Variants in SPATA16 observed in about 807,000 individuals in gnomAD.
SPATA16 encodes the protein spermatogenesis associated 16.
A neutral mutation model predicts 63.3 loss-of-function variants in SPATA16; 36 were observed. That is an observed-to-expected ratio of 0.57 (90% CI 0.44 to 0.75). The LOEUF (loss-of-function observed/expected upper bound fraction) is 0.75. Ranked by LOEUF, SPATA16 falls within the 30% of genes least tolerant of loss-of-function variation. SPATA16 has a pLI of 0.00. For synonymous variants in SPATA16, 203 were observed against 216.7 expected, an observed-to-expected ratio of 0.94 and a Z score of 0.56; for missense variants, 646 against 679.3, an observed-to-expected ratio of 0.95 and a Z score of 0.54.
chr3:172,916,540 A>G, intron 8 of SPATA16, 59 bp from the exon 9 acceptor site: 4 of 1,574,276 alleles, frequency 2.5e-6, no homozygotes, highest in Admixed American at 1.7e-5. Flanking sequence ...ACCTCTCCCC[A>G]GGGCTGGAAG....
intron 3 of SPATA16, among the ~76,000 whole-genome samples, chr3:173,041,740 G>A (rs1287364713): frequency 2.0e-5 from 3 of 151,834 alleles, no homozygotes; most frequent in Admixed American, 2.0e-4. Context: ...TACATTTAGT[G>A]GCCAAATTTT....
intron 5 of SPATA16, among the ~76,000 whole-genome samples, chr3:172,969,596 C>A (rs1361136883): frequency 1.3e-5 from 2 of 152,138 alleles, no homozygotes; most frequent in African/African-American, 4.8e-5. Flanking sequence ...GGTTACTAGA[C>A]TGGTGTTTAA....
chr3:173,015,471 G>A (rs1395987284), intron 4 of SPATA16, among the ~76,000 whole-genome samples: 1 of 152,184 alleles, frequency 6.6e-6, no homozygotes, highest in East Asian at 1.9e-4. Context: ...TAAAGACCCT[G>A]TGCAATGTTA....
intron 7 of SPATA16, 43 bp downstream of exon 7, chr3:172,925,303 A>G: frequency 6.2e-7 from 1 of 1,611,944 alleles, no homozygotes; most frequent in Non-Finnish European, 8.5e-7. Flanking sequence ...AAAACTCATC[A>G]CAGGCTACTA....
chr3:173,120,011 C>T (rs907802440), intron 1 of SPATA16, among the ~76,000 whole-genome samples: 77 of 151,400 alleles, frequency 5.1e-4, no homozygotes, highest in Middle Eastern at 3.2e-3. Flanking sequence ...CACTTGAACC[C>T]GGGAGGCAGA....
At chr3:172,922,456 A>G (rs935710903) in intron 8 of SPATA16, among the ~76,000 whole-genome samples, 3 of 152,204 alleles carry the variant, frequency 2.0e-5, no homozygotes, top group Non-Finnish European at 4.4e-5. Context: ...CAAATTTCCA[A>G]ATGGCCAGAA....
intron 3 of SPATA16, among the ~76,000 whole-genome samples, chr3:173,030,360 A>G (rs1199328826): frequency 6.6e-6 from 1 of 152,118 alleles, no homozygotes; most frequent in Non-Finnish European, 1.5e-5. Context: ...AGAATATATA[A>G]GAAACTTCTT....
At chr3:173,037,246 C>A (rs1735734166) in intron 3 of SPATA16, among the ~76,000 whole-genome samples, 1 of 151,980 alleles carries the variant, frequency 6.6e-6, no homozygotes, top group Non-Finnish European at 1.5e-5. Flanking sequence ...ACCCTCTCTG[C>A]CTTTTTTGGG....
At chr3:172,993,676 G>A (rs1416154483) in intron 4 of SPATA16, among the ~76,000 whole-genome samples, 2 of 152,148 alleles carry the variant, frequency 1.3e-5, no homozygotes, top group African/African-American at 4.8e-5. Flanking sequence ...TGTATAGGTT[G>A]TATACACAAA....
At chr3:172,915,301 T>C (rs933963056) in intron 9 of SPATA16, among the ~76,000 whole-genome samples, 2 of 152,182 alleles carry the variant, frequency 1.3e-5, no homozygotes, top group Admixed American at 6.5e-5. Context: ...GTGCTTACTC[T>C]GAATATCAGT....
At chr3:173,040,970 G>A (rs1435053327) in intron 3 of SPATA16, among the ~76,000 whole-genome samples, 1 of 152,118 alleles carries the variant, frequency 6.6e-6, no homozygotes, top group Non-Finnish European at 1.5e-5. Context: ...AACAAAGGAA[G>A]TATAATCTTT....
chr3:173,022,515 G>C (rs1020939603), intron 3 of SPATA16, among the ~76,000 whole-genome samples: 1 of 152,174 alleles, frequency 6.6e-6, no homozygotes, highest in African/African-American at 2.4e-5. Flanking sequence ...ATTTGGCAAG[G>C]AAATGCTAGT....
intron 1 of SPATA16, among the ~76,000 whole-genome samples, chr3:173,140,027 C>A (rs994597161): frequency 6.6e-6 from 1 of 151,912 alleles, no homozygotes; most frequent in East Asian, 1.9e-4. Context: ...CAAACTCCTG[C>A]AGTAAGGATT....
At chr3:173,088,332 C>G (rs571068887) in intron 2 of SPATA16, among the ~76,000 whole-genome samples, 3 of 152,110 alleles carry the variant, frequency 2.0e-5, no homozygotes, top group African/African-American at 4.8e-5. Flanking sequence ...ATCCGACCAC[C>G]TTGGCCTCCC....
At chr3:172,908,231 A>C (rs1732285965) in intron 10 of SPATA16, among the ~76,000 whole-genome samples, 1 of 152,250 alleles carries the variant, frequency 6.6e-6, no homozygotes, top group Non-Finnish European at 1.5e-5. Context: ...TGTTTTAGTC[A>C]TATAATAAAA....
chr3:173,101,068 A>T (rs1737481403), intron 2 of SPATA16, among the ~76,000 whole-genome samples: 1 of 152,148 alleles, frequency 6.6e-6, no homozygotes, highest in African/African-American at 2.4e-5. Flanking sequence ...AAAGGAAGAA[A>T]ATTACCCTTA....
At chr3:173,124,389 C>G (rs1317153762) in intron 1 of SPATA16, among the ~76,000 whole-genome samples, 1 of 152,182 alleles carries the variant, frequency 6.6e-6, no homozygotes, top group African/African-American at 2.4e-5. Context: ...AGAAGCTGAA[C>G]TTAGTAAGAG....
chr3:173,068,461 A>G (rs1315264238), intron 2 of SPATA16, among the ~76,000 whole-genome samples: 1 of 152,198 alleles, frequency 6.6e-6, no homozygotes, highest in African/African-American at 2.4e-5. Context: ...GTTATTTGCA[A>G]TCATAATAGT....
At chr3:173,057,954 A>C (rs1483552969) in intron 2 of SPATA16, among the ~76,000 whole-genome samples, 4 of 152,210 alleles carry the variant, frequency 2.6e-5, no homozygotes, top group Non-Finnish European at 1.5e-5. Flanking sequence ...TCTTCATGAC[A>C]GATAGAGAAA....
Sources: gnomAD v4.1 joint callset for allele counts (sites outside exome capture counted in the v4.1 genomes callset) on GRCh38, gnomAD v4.1.1 for gene constraint, MANE v1.5 for transcripts, NCBI Gene and HGNC (gene_info 2026-07-23, HGNC 2026-07-21) for gene names.